Variants in IFT57 observed in about 807,000 individuals in gnomAD.
The protein encoded by IFT57 is intraflagellar transport protein 57 homolog.
Under a neutral mutation model 56.8 loss-of-function variants are expected in IFT57, and 59 were observed. The ratio of observed to expected loss-of-function variants is 1.04; its 90% CI spans 0.84 to 1.29. The LOEUF (loss-of-function observed/expected upper bound fraction) is 1.29. Among genes scored for constraint, IFT57 ranks in the 50% most tolerant of loss-of-function variants. The pLI, the probability that IFT57 is intolerant of heterozygous loss-of-function variation, is 0.00. For missense variants in IFT57, 470 were observed against 522.1 expected, an observed-to-expected ratio of 0.90 and a Z score of 0.97; for synonymous variants, 209 against 186.1, an observed-to-expected ratio of 1.12 and a Z score of -1.00.
At chr3:108,178,150 C>T (rs2080133823) in intron 6 of IFT57, among the ~76,000 whole-genome samples, 1 of 151,796 alleles carries the variant, frequency 6.6e-6, no homozygotes, top group Non-Finnish European at 1.5e-5. Context: ...CACATACATG[C>T]TCACTTGATT....
At chr3:108,209,916 A>ATG (rs35248776) in intron 4 of IFT57, among the ~76,000 whole-genome samples, 66,153 of 149,814 alleles carry the variant, frequency 0.44, 14,750 homozygotes, top group Middle Eastern at 0.55. Flanking sequence ...CTTTTTCTAT[A>ATG]TGTGTGTGTG....
chr3:108,185,595 G>A (rs12634901), intron 6 of IFT57, among the ~76,000 whole-genome samples: 5 of 122,678 alleles, frequency 4.1e-5, no homozygotes, highest in African/African-American at 9.6e-5. Context: ...AGTTTCGCTC[G>A]TTGCCCAGGC....
chr3:108,192,693 C>CA (rs944572770), intron 5 of IFT57, among the ~76,000 whole-genome samples: 13 of 151,732 alleles, frequency 8.6e-5, no homozygotes, highest in African/African-American at 3.1e-4. Flanking sequence ...GGGATATAAA[C>CA]AGACTTAAAA....
Position 108,161,578 on chromosome 3 carries a change from C to A in IFT57, c.*899G>T, listed in dbSNP as rs980509227. ...CGCAGGCTGTCTCCTGCTTTGTGTT[C>A]CCCTGGCCAGTTTTCCCCAGTGCTA... On this transcript the variant is annotated 3_prime_UTR_variant, in exon 11 of 11. Coordinates refer to ENST00000264538, the MANE Select transcript of IFT57 (RefSeq NM_018010.4). The A allele has an allele frequency of 6.6e-6, 1 of 151,936 alleles. No individual in the cohort carries two copies. Among genetic ancestry groups the A allele is most frequent in the Non-Finnish European group, 1.5e-5 (1 of 67,994 alleles). 9.4% of individuals were successfully genotyped at this position (151,936 alleles called of 1,614,324 possible).
chr3:108,187,597 A>AGGG (rs68151612), intron 6 of IFT57, among the ~76,000 whole-genome samples: 1 of 150,910 alleles, frequency 6.6e-6, no homozygotes, highest in Non-Finnish European at 1.5e-5. Context: ...TAAAAAAAAA[A>AGGG]GGGGGGGAGT....
Position 108,162,342 on chromosome 3 carries a change from A to G in IFT57, c.*135T>C, listed in dbSNP as rs2080038157. ...AAAGGCTTTAACCATCATAATCACCATGATATAATATGTGAGTATGTATAT... is the reference window on the plus strand; with the variant it reads ...AAAGGCTTTAACCATCATAATCACCGTGATATAATATGTGAGTATGTATAT... On this transcript the variant is annotated 3_prime_UTR_variant, in exon 11 of 11. Transcript: ENST00000264538. The G allele has an allele frequency of 1.7e-6, 1 of 577,510 alleles. No individual in the cohort carries two copies. The highest frequency in any genetic ancestry group is 3.0e-4 in the Middle Eastern group (1 of 3,282). The allele number at this position is 577,510 out of a possible 1,614,324, so 35.8% of individuals were successfully genotyped here.
intron 6 of IFT57, among the ~76,000 whole-genome samples, chr3:108,185,108 T>C (rs538419712): frequency 8.5e-5 from 13 of 152,300 alleles, no homozygotes; most frequent in Non-Finnish European, 1.6e-4. Context: ...ACTGCAGCTA[T>C]GACAGCAGGC....
Position 108,162,421 on chromosome 3 carries a change from A to C in IFT57, c.*56T>G. 7.2e-7 allele frequency: 1 copy of C among 1,389,016 alleles called. No homozygotes were observed. The allele number at this position is 1,389,016 out of a possible 1,614,324, so 86.0% of individuals were successfully genotyped here. On this transcript the variant is annotated 3_prime_UTR_variant, in exon 11 of 11. Transcript: ENST00000264538. ...TATGTTTTGAAATCTATGCAACATG[A>C]AATATAGTTTGATATAAAAAACCCA...
At chr3:108,205,375 A>C (rs1485887623) in intron 5 of IFT57, among the ~76,000 whole-genome samples, 1 of 152,080 alleles carries the variant, frequency 6.6e-6, no homozygotes, top group African/African-American at 2.4e-5. Context: ...AATCCTAGTA[A>C]GTATTAGAGT....
intron 6 of IFT57, among the ~76,000 whole-genome samples, chr3:108,183,212 C>T (rs62262381): frequency 0.092 from 13,940 of 152,046 alleles, 699 homozygotes; most frequent in Middle Eastern, 0.12. Flanking sequence ...TCATGCTCTT[C>T]ATGAAGAATA....
intron 6 of IFT57, among the ~76,000 whole-genome samples, chr3:108,190,066 C>T (rs1361147898): frequency 1.3e-5 from 2 of 152,098 alleles, no homozygotes; most frequent in Admixed American, 6.6e-5. Context: ...CGCAGAACAG[C>T]AGGCATACTG....
chr3:108,191,161 C>T (rs2080213057), intron 6 of IFT57, among the ~76,000 whole-genome samples: 2 of 152,132 alleles, frequency 1.3e-5, no homozygotes, highest in Non-Finnish European at 2.9e-5. Context: ...TTCTGTTTTG[C>T]CATGCAGCAG....
At chr3:108,221,387 C>T (rs2080404687) in intron 1 of IFT57, among the ~76,000 whole-genome samples, 1 of 152,188 alleles carries the variant, frequency 6.6e-6, no homozygotes, top group South Asian at 2.1e-4. Flanking sequence ...GACCACTACC[C>T]TCAGCAAGTA....
At chr3:108,192,134 T>C (rs1185112957) in intron 5 of IFT57, among the ~76,000 whole-genome samples, 1 of 131,062 alleles carries the variant, frequency 7.6e-6, no homozygotes, top group Non-Finnish European at 1.5e-5. Context: ...ATCATGCTAC[T>C]GCACTACTCC....
At chr3:108,164,166 T>C (rs1452823617) in intron 9 of IFT57, among the ~76,000 whole-genome samples, 2 of 152,088 alleles carry the variant, frequency 1.3e-5, no homozygotes, top group Non-Finnish European at 2.9e-5. Flanking sequence ...TAAGACATTA[T>C]GTCACTTTTT....
chr3:108,167,750 G>A, intron 7 of IFT57, 43 bp downstream of exon 7: 8 of 1,324,644 alleles, frequency 6.0e-6, no homozygotes, highest in Non-Finnish European at 8.3e-6. Context: ...GTGTTCCACA[G>A]ATGAGTAAAT....
intron 3 of IFT57, among the ~76,000 whole-genome samples, chr3:108,215,055 T>C (rs910106133): frequency 3.3e-5 from 5 of 152,196 alleles, no homozygotes; most frequent in Non-Finnish European, 5.9e-5. Context: ...TATTTTAACA[T>C]AGGTAATAAG....
chr3:108,179,073 C>T (rs80316479), intron 6 of IFT57, among the ~76,000 whole-genome samples: 2,336 of 152,004 alleles, frequency 0.015, 34 homozygotes, highest in Non-Finnish European at 0.023. Flanking sequence ...TTAGGCAAAT[C>T]CGCCACTGAA....
At chr3:108,218,678 G>GTA in intron 2 of IFT57, 25 bp from the exon 3 acceptor site, 2 of 1,205,148 alleles carry the variant, frequency 1.7e-6, no homozygotes, top group Non-Finnish European at 2.3e-6. Context: ...AAAAAACAGG[G>GTA]TATTATTTGT....
Sources: gnomAD v4.1 joint callset for allele counts (sites outside exome capture counted in the v4.1 genomes callset) on GRCh38, gnomAD v4.1.1 for gene constraint, MANE v1.5 for transcripts, NCBI Gene and HGNC (gene_info 2026-07-23, HGNC 2026-07-21) for gene names.